Variants in CCDC102B observed in about 807,000 individuals in gnomAD.
CCDC102B encodes coiled-coil domain containing 102B.
A neutral mutation model predicts 57.4 loss-of-function variants in CCDC102B; 75 were observed. The ratio of observed to expected loss-of-function variants is 1.31; its 90% CI spans 1.08 to 1.58. The LOEUF (loss-of-function observed/expected upper bound fraction) is 1.58. Ranked by LOEUF, CCDC102B falls within the 40% of genes most tolerant of loss-of-function variation. The probability of loss-of-function intolerance (pLI) is 0.00; values close to 1 mark genes in which losing one functional copy is unlikely to be tolerated. For synonymous variants in CCDC102B, 206 were observed against 201.9 expected (o/e 1.02, Z -0.17); for missense variants, 636 against 582.6 (o/e 1.09, Z -0.94).
At chr18:69,014,744 G>GA (rs2145404119) in intron 7 of CCDC102B, among the ~76,000 whole-genome samples, 2 of 151,752 alleles carry the variant, frequency 1.3e-5, no homozygotes, top group South Asian at 4.2e-4. Context: ...TATTTGAAGG[G>GA]AAAAAATAGC....
intron 6 of CCDC102B, among the ~76,000 whole-genome samples, chr18:68,937,690 G>A (rs932854649): frequency 6.6e-6 from 1 of 151,960 alleles, no homozygotes; most frequent in African/African-American, 2.4e-5. Context: ...ATGGTGGTTT[G>A]CTGCACCCAT....
chr18:68,775,597 C>T (rs575820716), intron 2 of CCDC102B, among the ~76,000 whole-genome samples: 2 of 150,104 alleles, frequency 1.3e-5, no homozygotes, highest in African/African-American at 2.5e-5. Context: ...CATCAGGAAA[C>T]GTGAAAAATA....
chr18:68,927,112 G>A (rs1056759694), intron 6 of CCDC102B, among the ~76,000 whole-genome samples: 16 of 151,888 alleles, frequency 1.1e-4, no homozygotes, highest in African/African-American at 3.6e-4. Flanking sequence ...CATGTGTAAC[G>A]GAAAGTAGTT....
intron 1 of CCDC102B, among the ~76,000 whole-genome samples, chr18:68,816,037 G>A (rs191854871): frequency 1.1e-4 from 16 of 152,070 alleles, no homozygotes; most frequent in Admixed American, 5.2e-4. Context: ...TTAATTCCAC[G>A]CCTGATTTCA....
intron 6 of CCDC102B, among the ~76,000 whole-genome samples, chr18:68,938,923 T>A (rs1017960594): frequency 5.3e-5 from 8 of 151,880 alleles, no homozygotes; most frequent in Admixed American, 4.6e-4. Context: ...AATTTTTTTA[T>A]ATGTACTCAT....
intron 2 of CCDC102B, among the ~76,000 whole-genome samples, chr18:68,723,281 G>C (rs1416584244): frequency 5.9e-5 from 9 of 152,058 alleles, no homozygotes; most frequent in Admixed American, 4.6e-4. Context: ...TGAGATTTGG[G>C]TGGGGACACA....
intron 6 of CCDC102B, among the ~76,000 whole-genome samples, chr18:68,975,572 G>A (rs758524015): frequency 6.6e-6 from 1 of 151,844 alleles, no homozygotes; most frequent in African/African-American, 2.4e-5. Flanking sequence ...TATTAACGGG[G>A]CATTAATAAA....
chr18:68,777,628 AAAAG>A (rs2034867861), intron 2 of CCDC102B, among the ~76,000 whole-genome samples: 1 of 152,166 alleles, frequency 6.6e-6, no homozygotes, highest in African/African-American at 2.4e-5. Flanking sequence ...TGCTTGCAGA[AAAAG>A]AAACTATGTT....
At chr18:68,973,888 T>A (rs1043759578) in intron 6 of CCDC102B, among the ~76,000 whole-genome samples, 1 of 152,244 alleles carries the variant, frequency 6.6e-6, no homozygotes, top group Non-Finnish European at 1.5e-5. Context: ...AAAATGGTGA[T>A]AGAACTGCTA....
intron 5 of CCDC102B, among the ~76,000 whole-genome samples, chr18:68,890,032 T>G (rs1020443598): frequency 6.6e-6 from 1 of 152,214 alleles, no homozygotes; most frequent in South Asian, 2.1e-4. Context: ...ATTAGGATGC[T>G]GGCCATCTTC....
intron 7 of CCDC102B, among the ~76,000 whole-genome samples, chr18:69,027,464 A>G (rs1379973194): frequency 6.6e-6 from 1 of 152,222 alleles, no homozygotes; most frequent in African/African-American, 2.4e-5. Context: ...CAACATGTGT[A>G]CTTTCAGAAA....
chr18:68,775,496 A>G (rs192894800), intron 2 of CCDC102B, among the ~76,000 whole-genome samples: 2 of 152,108 alleles, frequency 1.3e-5, no homozygotes, highest in East Asian at 1.9e-4. Flanking sequence ...CCTCTTCTCT[A>G]TATTTCTTAT....
chr18:68,818,120 T>C (rs2036558936), intron 1 of CCDC102B, among the ~76,000 whole-genome samples: 1 of 151,928 alleles, frequency 6.6e-6, no homozygotes. Flanking sequence ...TTGTGCAAAG[T>C]ATTTTCTTTT....
chr18:68,937,385 C>T (rs1438839792), intron 6 of CCDC102B, among the ~76,000 whole-genome samples: 1 of 152,026 alleles, frequency 6.6e-6, no homozygotes, highest in Non-Finnish European at 1.5e-5. Context: ...TTGACCTCAG[C>T]TGGAAACGTG....
At chr18:68,874,582 C>G (rs1185978898) in intron 4 of CCDC102B, 87 bp from the exon 5 acceptor site, 1 of 781,836 alleles carries the variant, frequency 1.3e-6, no homozygotes, top group Admixed American at 2.1e-5. Flanking sequence ...CAAAACAACA[C>G]TAAAGCTAAA....
At chr18:68,729,179 A>T (rs1218922686) in intron 2 of CCDC102B, among the ~76,000 whole-genome samples, 1 of 152,230 alleles carries the variant, frequency 6.6e-6, no homozygotes, top group Non-Finnish European at 1.5e-5. Context: ...GAAGAAAATT[A>T]TGACACTTTT....
intron 4 of CCDC102B, among the ~76,000 whole-genome samples, chr18:68,874,166 GTGTA>G (rs1340159144): frequency 2.4e-3 from 204 of 84,866 alleles, no homozygotes; most frequent in African/African-American, 8.3e-3. Context: ...AGCAGTGTGT[GTGTA>G]TGTGTGTGTG....
chr18:69,056,640 G>GATAGATAGATGC (rs1555678891), downstream of CCDC102B, among the ~76,000 whole-genome samples: 4 of 62,590 alleles, frequency 6.4e-5, no homozygotes, highest in Admixed American at 1.8e-4. Context: ...ATAGATAATA[G>GATAGATAGATGC]ATAGATAGAT....
In CCDC102B at chr18:68,992,793, G is replaced by A. The variant is rs1005560364; in HGVS notation, c.1264-18141G>A. ...GAATATGTGTCAACCCAGGAGGAAC[G>A]CAGCCTCATGTAGCCACTCGTCGTG... On this transcript the variant is annotated intron_variant, in intron 6 of 7. Transcript: ENST00000360242. 1.6e-4 allele frequency: 25 copies of A among 160,672 alleles called. No homozygotes were observed. The Middle Eastern group carries it at 2.2e-3, about 14-fold the overall frequency. 10.0% of individuals were successfully genotyped at this position (160,672 alleles called of 1,614,324 possible).
Sources: allele counts gnomAD v4.1 joint callset (sites outside exome capture counted in the v4.1 genomes callset), GRCh38; gene constraint gnomAD v4.1.1; transcripts MANE v1.5; gene names NCBI Gene and HGNC (gene_info 2026-07-23, HGNC 2026-07-21).